Variants in RORB observed in about 807,000 individuals in gnomAD.
The protein encoded by RORB is RAR related orphan receptor B.
Under a neutral mutation model 59.1 loss-of-function variants are expected in RORB, and 6 were observed. That is an observed-to-expected ratio of 0.10 (90% CI 0.06 to 0.20). The LOEUF (loss-of-function observed/expected upper bound fraction) is 0.20, where lower values mean the gene tolerates loss of function less well. Ranked by LOEUF, RORB falls within the 10% of genes least tolerant of loss-of-function variation. RORB has a pLI of 1.00. For synonymous variants in RORB, 215 were observed against 204.5 expected, an observed-to-expected ratio of 1.05 and a Z score of -0.44; for missense variants, 320 against 560.5, an observed-to-expected ratio of 0.57 and a Z score of 4.33.
chr9:74,682,932 T>C (rs769256521), intron 9 of RORB, among the ~76,000 whole-genome samples: 3 of 152,144 alleles, frequency 2.0e-5, no homozygotes, highest in Non-Finnish European at 4.4e-5. Context: ...ATTTATAAAA[T>C]TTGAACCTCT....
At chr9:74,596,169 T>C (rs1269789350) in intron 1 of RORB, among the ~76,000 whole-genome samples, 1 of 152,168 alleles carries the variant, frequency 6.6e-6, no homozygotes, top group Non-Finnish European at 1.5e-5. Flanking sequence ...TTTTTCTCTA[T>C]GTCATTATGA....
intron 1 of RORB, among the ~76,000 whole-genome samples, chr9:74,540,914 G>T (rs1286747592): frequency 2.6e-5 from 4 of 152,032 alleles, no homozygotes; most frequent in Non-Finnish European, 4.4e-5. Context: ...TTTCCAAATT[G>T]CTCCCTGTAG....
chr9:74,583,094 G>A (rs562372221), intron 1 of RORB, among the ~76,000 whole-genome samples: 62 of 152,184 alleles, frequency 4.1e-4, no homozygotes, highest in South Asian at 1.7e-3. Flanking sequence ...GAATGCATAT[G>A]TTGCTCCCTC....
At chr9:74,549,777 G>A (rs1826577427) in intron 1 of RORB, among the ~76,000 whole-genome samples, 1 of 152,010 alleles carries the variant, frequency 6.6e-6, no homozygotes, top group Non-Finnish European at 1.5e-5. Context: ...ACCCAGGCTG[G>A]AGTGCAGTGG....
chr9:74,662,499 G>T lies in RORB; in HGVS notation c.785G>T (p.Cys262Phe). 6.2e-7 allele frequency: 1 copy of T among 1,614,086 alleles called. No individual in the cohort carries two copies. The highest frequency in any genetic ancestry group is 8.5e-7 in the Non-Finnish European group (1 of 1,179,994). The stretch of plus-strand genomic sequence containing the variant: ...TCCAGGGAAGCACTGTGGCAACAAT[G>T]TGCCATCCAGATCACTCACGCCATC... ...SKSREALWQQ[C>F]AIQITHAIQY... The change falls in exon 6 of 10, where the codon TGT becomes TTT. Residue 262 changes from cysteine (C) to phenylalanine (F), a missense_variant. Around this residue, in one of 4 missense-constraint regions of RORB, gnomAD observed 40 missense variants for 116.9 expected, o/e 0.34. Coordinates refer to ENST00000376896, the MANE Select transcript of RORB (RefSeq NM_006914.4).
intron 1 of RORB, among the ~76,000 whole-genome samples, chr9:74,585,831 G>T (rs1258291105): frequency 1.6e-4 from 15 of 92,546 alleles, no homozygotes; most frequent in African/African-American, 5.1e-4. Context: ...TTCTCGCTCT[G>T]TCGCCCAGAC....
At chr9:74,620,698 C>T (rs1210303627) in intron 1 of RORB, among the ~76,000 whole-genome samples, 2 of 152,122 alleles carry the variant, frequency 1.3e-5, no homozygotes, top group Non-Finnish European at 2.9e-5. Flanking sequence ...TATAAATTTC[C>T]CTCTACACAC....
At chr9:74,512,819 C>T (rs1185060443) in intron 1 of RORB, among the ~76,000 whole-genome samples, 1 of 152,102 alleles carries the variant, frequency 6.6e-6, no homozygotes, top group African/African-American at 2.4e-5. Flanking sequence ...ACAATAATCT[C>T]ATTTCCACTC....
intron 1 of RORB, among the ~76,000 whole-genome samples, chr9:74,621,857 A>T (rs1823425494): frequency 6.6e-6 from 1 of 152,158 alleles, no homozygotes; most frequent in African/African-American, 2.4e-5. Flanking sequence ...CTTATTTTCC[A>T]TTCATAAATC....
intron 5 of RORB, among the ~76,000 whole-genome samples, chr9:74,662,033 A>G (rs1226723818): frequency 6.6e-6 from 1 of 152,158 alleles, no homozygotes; most frequent in Admixed American, 6.5e-5. Flanking sequence ...TGCCCATCAG[A>G]TACCCATGAA....
chr9:74,612,840 T>A (rs1181007517), intron 1 of RORB, among the ~76,000 whole-genome samples: 1 of 151,998 alleles, frequency 6.6e-6, no homozygotes, highest in Non-Finnish European at 1.5e-5. Flanking sequence ...CCCAGATCGA[T>A]TTGCTTTCTG....
At chr9:74,653,853 G>T (rs981468606) in intron 4 of RORB, among the ~76,000 whole-genome samples, 2 of 152,108 alleles carry the variant, frequency 1.3e-5, no homozygotes, top group African/African-American at 4.8e-5. Flanking sequence ...AAAAAAACCC[G>T]CTGAGTGGTT....
intron 2 of RORB, among the ~76,000 whole-genome samples, chr9:74,632,199 C>T (rs369564903): frequency 3.3e-5 from 5 of 152,174 alleles, no homozygotes; most frequent in African/African-American, 1.2e-4. Flanking sequence ...ACAAATATAA[C>T]CCAGCAAGCC....
chr9:74,668,468 C>T (rs1029925052), intron 8 of RORB, among the ~76,000 whole-genome samples: 3 of 152,190 alleles, frequency 2.0e-5, no homozygotes, highest in African/African-American at 4.8e-5. Context: ...TCCCTGCATG[C>T]AGTCAAAAAT....
intron 1 of RORB, among the ~76,000 whole-genome samples, chr9:74,577,555 A>C (rs1264015466): frequency 6.6e-6 from 1 of 152,080 alleles, no homozygotes; most frequent in Non-Finnish European, 1.5e-5. Flanking sequence ...ATGCAATTGC[A>C]AGGTGAATGA....
In RORB at chr9:74,685,666, G is replaced by C. The variant is rs1824628885; in HGVS notation, c.*48G>C. ...TAGTCATGGAATGCATCACCATTAAGACAAAAGCAATGTGTTCATGAAGAC... is the reference window on the plus strand; with the variant it reads ...TAGTCATGGAATGCATCACCATTAACACAAAAGCAATGTGTTCATGAAGAC... On this transcript the variant is annotated 3_prime_UTR_variant, in exon 10 of 10. Transcript: ENST00000376896. 1 of 1,441,258 alleles carries C rather than the reference G, an allele frequency of 6.9e-7. No individual in the cohort carries two copies. Among genetic ancestry groups the C allele is most frequent in the Non-Finnish European group, 9.3e-7 (1 of 1,072,108 alleles). The allele number at this position is 1,441,258 out of a possible 1,614,324, so 89.3% of individuals were successfully genotyped here.
chr9:74,614,358 T>A (rs971975495), intron 1 of RORB, among the ~76,000 whole-genome samples: 1 of 152,152 alleles, frequency 6.6e-6, no homozygotes, highest in African/African-American at 2.4e-5. Context: ...CAAATATCAC[T>A]TTTTTAAATT....
chr9:74,518,578 A>G lies in RORB; in HGVS notation c.7+20595A>G, dbSNP rs115744233. Among the ~76,000 whole-genome samples, 925 of 152,120 alleles carry G rather than the reference A, an allele frequency of 6.1e-3. 4 individuals carry two copies. Among genetic ancestry groups the G allele is most frequent in the African/African-American group, 0.021 (892 of 41,546 alleles). On this transcript the variant is annotated intron_variant, in intron 1 of 9. Transcript: ENST00000376896. ...GCGCAAGTCACCTCTTTGCCCCGCC[A>G]CGATCCTCATTTCTGAATGAGAATG...
chr9:74,530,814 G>C (rs1466568695), intron 1 of RORB, among the ~76,000 whole-genome samples: 5 of 151,916 alleles, frequency 3.3e-5, no homozygotes, highest in African/African-American at 1.2e-4. Context: ...ACGTTGGTGT[G>C]CTGCACCCAT....
Sources: allele counts gnomAD v4.1 joint callset (sites outside exome capture counted in the v4.1 genomes callset), GRCh38; gene constraint gnomAD v4.1.1; regional missense constraint gnomAD v4.1.1; transcripts MANE v1.5; gene names NCBI Gene and HGNC (gene_info 2026-07-23, HGNC 2026-07-21).